The following LSM4 variants were observed in gnomAD, a reference collection of about 807,000 sequenced individuals.
LSM4 encodes U6 snRNA-associated Sm-like protein LSm4.
LSM4 carries 15 observed loss-of-function variants against 22.3 expected under a neutral mutation model. The ratio of observed to expected loss-of-function variants is 0.67; its 90% CI spans 0.45 to 1.03. The LOEUF is 1.03. Ranked by LOEUF, LSM4 falls within the 50% of genes least tolerant of loss-of-function variation. LSM4 has a pLI of 0.00. For missense variants in LSM4, 127 were observed against 198.0 expected (o/e 0.64, Z 2.15); for synonymous variants, 90 against 79.8 (o/e 1.13, Z -0.68).
At chr19:18,312,733 T>G (rs200988165) in intron 2 of LSM4, 31 bp from the exon 3 acceptor site, 11 of 1,560,958 alleles carry the variant, frequency 7.0e-6, no homozygotes, top group African/African-American at 2.7e-5. Context: ...AGGTTGGCTG[T>G]AGCCCTGGAG....
chr19:18,307,367 C>G lies in LSM4; in HGVS notation c.*97G>C. ...AAAACACGAAGGGGGTTCCCCCTGG[C>G]GCCTGCCTCTTCCTTTCTGAGCAGA... is the stretch of plus-strand genomic sequence containing the variant. On this transcript the variant is annotated 3_prime_UTR_variant, in exon 5 of 5. Coordinates refer to ENST00000593829, the MANE Select transcript of LSM4 (RefSeq NM_012321.5). The G allele has an allele frequency of 9.9e-7, 1 of 1,006,612 alleles. No homozygotes were observed. The highest frequency in any genetic ancestry group is 1.3e-6 in the Non-Finnish European group (1 of 761,760). 62.4% of individuals were successfully genotyped at this position (1,006,612 alleles called of 1,614,324 possible).
In LSM4 at chr19:18,309,755, A is replaced by G. The variant is rs1179922051; in HGVS notation, c.251T>C (p.Val84Ala). 2 of 1,613,634 alleles carry G rather than the reference A, an allele frequency of 1.2e-6. No homozygotes were observed. The highest frequency in any genetic ancestry group is 3.3e-5 in the Admixed American group (2 of 59,932). Residue 84 changes from valine to alanine, a missense_variant, in exon 4 of 5, where the codon GTG (valine) becomes GCG (alanine). By Grantham distance (64) the Val-to-Ala change is moderately conservative. Transcript: ENST00000593829. ...EIIDMVKEEVVAKGRGRGGLQ... is the reference protein window; with the variant it reads ...EIIDMVKEEVAAKGRGRGGLQ... ...GCCTCCGCGGCCGCGGCCCTTGGCC[A>G]CCACCTCCTCCTTGACCATGTCGAT...
chr19:18,310,675 C>G (rs559144934), intron 3 of LSM4, among the ~76,000 whole-genome samples: 18 of 152,302 alleles, frequency 1.2e-4, no homozygotes, highest in African/African-American at 2.6e-4. Flanking sequence ...GACCCACGCA[C>G]GACGCCTGGA....
chr19:18,319,976 T>C (rs1970407470), intron 1 of LSM4, among the ~76,000 whole-genome samples: 1 of 151,922 alleles, frequency 6.6e-6, no homozygotes, highest in South Asian at 2.1e-4. Context: ...ACAAGAAAAA[T>C]GCACACACTA....
Position 18,312,711 on chromosome 19 carries a change from G to C in LSM4, c.46-9C>G. On this transcript the variant is annotated splice_polypyrimidine_tract_variant and intron_variant, in intron 2 of 4. Transcript: ENST00000593829. ...TTTTTCAGCTCCACCAACTAGAAGA[G>C]AGACAGGCTAGAGGTTGGCTGTAGC... is the stretch of plus-strand genomic sequence containing the variant. The C allele has an allele frequency of 6.2e-7, 1 of 1,608,282 alleles. No homozygotes were observed. The highest frequency in any genetic ancestry group is 1.1e-5 in the South Asian group (1 of 90,986).
chr19:18,314,440 T>C (rs1970331519), intron 2 of LSM4, among the ~76,000 whole-genome samples: 1 of 150,312 alleles, frequency 6.7e-6, no homozygotes, highest in Non-Finnish European at 1.5e-5. Flanking sequence ...GGCAGGAAAA[T>C]GGCGTGAAAC....
At chr19:18,319,871 A>G (rs1008440227) in intron 1 of LSM4, among the ~76,000 whole-genome samples, 19 of 152,158 alleles carry the variant, frequency 1.2e-4, no homozygotes, top group Admixed American at 7.2e-4. Context: ...CCCTCGCTAG[A>G]CTGGAACACT....
chr19:18,318,386 T>G (rs1021984030), intron 1 of LSM4, among the ~76,000 whole-genome samples: 11 of 152,188 alleles, frequency 7.2e-5, no homozygotes, highest in Non-Finnish European at 1.5e-4. Context: ...CTGCACCGGC[T>G]TCCTGGAAGA....
At chr19:18,307,950 G>C (rs556439281) in intron 4 of LSM4, among the ~76,000 whole-genome samples, 186 of 152,124 alleles carry the variant, frequency 1.2e-3, no homozygotes, top group Non-Finnish European at 1.8e-3. Flanking sequence ...TCCCTGGCGG[G>C]GGGGGGGCCT....
chr19:18,311,488 C>G (rs1245928882), intron 3 of LSM4, among the ~76,000 whole-genome samples: 1 of 152,190 alleles, frequency 6.6e-6, no homozygotes, highest in Non-Finnish European at 1.5e-5. Context: ...GCCTCTGAAT[C>G]AACAGGCTTC....
chr19:18,309,516 C>T, intron 4 of LSM4, 162 bp downstream of exon 4: 1 of 700,102 alleles, frequency 1.4e-6, no homozygotes, highest in Middle Eastern at 4.1e-4. Context: ...GGTCTCGGGG[C>T]TCCTCTGCCT....
At chr19:18,313,567 G>C (rs185050945) in intron 2 of LSM4, among the ~76,000 whole-genome samples, 30 of 152,316 alleles carry the variant, frequency 2.0e-4, no homozygotes, top group African/African-American at 6.7e-4. Context: ...GCCCAGGCTG[G>C]AGTGCAGTAT....
rs144880239 is a variant in LSM4, at chr19:18,320,301, A to G, written c.3+2717T>C. Among the ~76,000 whole-genome samples the G allele has an allele frequency of 2.2e-3, 336 of 152,220 alleles. 14 individuals carry two copies. In the East Asian group the frequency reaches 0.048, roughly 22 times the overall value. Reference sequence around the variant, plus strand: ...GGTGGGAGGATCGCTTGAGCCCAGGAGTATGAGACCAGCTTGGGCAACACA... The same window carrying G: ...GGTGGGAGGATCGCTTGAGCCCAGGGGTATGAGACCAGCTTGGGCAACACA... On this transcript the variant is annotated intron_variant, in intron 1 of 4. Transcript: ENST00000593829.
At chr19:18,309,926 G>T in intron 3 of LSM4, 65 bp from the exon 4 acceptor site, 1 of 1,523,156 alleles carries the variant, frequency 6.6e-7, no homozygotes, top group South Asian at 1.2e-5. Flanking sequence ...CTGGGAGCGC[G>T]GGAGGCCCTG....
At position 18,306,632 on chromosome 19, in the gene LSM4, A is replaced by C. The variant is rs1000201773; in HGVS notation, c.*832T>G. 1.3e-5 allele frequency: 2 copies of C among 152,328 alleles called. No individual in the cohort carries two copies. Among genetic ancestry groups the C allele is most frequent in the Non-Finnish European group, 2.9e-5 (2 of 68,150 alleles). 9.4% of individuals were successfully genotyped at this position (152,328 alleles called of 1,614,324 possible). A position where few individuals can be genotyped will look rare whatever the true frequency, so the allele number is the denominator to read the frequency against. Reference sequence around the variant, plus strand: ...GCCCCTGCCTGGGACTTCCCTCCCCACACACCCCTTGGCATTAACGTCTCC... The same window carrying C: ...GCCCCTGCCTGGGACTTCCCTCCCCCCACACCCCTTGGCATTAACGTCTCC... On this transcript the variant is annotated 3_prime_UTR_variant, in exon 5 of 5. Coordinates refer to ENST00000593829, the MANE Select transcript of LSM4 (RefSeq NM_012321.5).
At chr19:18,317,947 C>T (rs1014484227) in intron 1 of LSM4, among the ~76,000 whole-genome samples, 30 of 152,308 alleles carry the variant, frequency 2.0e-4, no homozygotes, top group Middle Eastern at 3.4e-3. Context: ...TCAACCCGTA[C>T]GCTGGGAGCT....
intron 1 of LSM4, among the ~76,000 whole-genome samples, chr19:18,316,738 CT>C (rs1970361002): frequency 6.6e-6 from 1 of 152,008 alleles, no homozygotes; most frequent in Admixed American, 6.6e-5. Flanking sequence ...GACACTACAG[CT>C]TGGAAACCCG....
chr19:18,318,525 C>T (rs917006391), intron 1 of LSM4, among the ~76,000 whole-genome samples: 1 of 152,246 alleles, frequency 6.6e-6, no homozygotes, highest in Non-Finnish European at 1.5e-5. Context: ...AACACAGGAG[C>T]CACAGACTGG....
At position 18,312,592 on chromosome 19, in the gene LSM4, T is replaced by C. The variant is rs2232968; in HGVS notation, c.144+12A>G. 0.78 allele frequency: 1,261,648 copies of C among 1,607,380 alleles called. 495,258 individuals are homozygous for C. The highest frequency in any genetic ancestry group is 0.86 in the South Asian group (78,551 of 90,994). ...CCTGCATCCCACCCCCGTTGGTGGG[T>C]GCAGCACCCACCCTGGACGTGCAGA... On this transcript the variant is annotated intron_variant, in intron 3 of 4. Coordinates refer to ENST00000593829, the MANE Select transcript of LSM4 (RefSeq NM_012321.5).
Sources: allele counts gnomAD v4.1 joint callset (sites outside exome capture counted in the v4.1 genomes callset), GRCh38; gene constraint gnomAD v4.1.1; transcripts MANE v1.5; gene names NCBI Gene and HGNC (gene_info 2026-07-23, HGNC 2026-07-21).